The following MTUS2 variants were observed in gnomAD, a reference collection of about 807,000 sequenced individuals.
MTUS2 encodes the protein microtubule associated scaffold protein 2.
In MTUS2, 40 loss-of-function variants were observed where a neutral mutation model predicts 114.1. The ratio of observed to expected loss-of-function variants is 0.35; its 90% CI spans 0.27 to 0.46. The LOEUF (loss-of-function observed/expected upper bound fraction) is 0.46, where lower values mean the gene tolerates loss of function less well. Ranked by LOEUF, MTUS2 falls within the 20% of genes least tolerant of loss-of-function variation. The probability of loss-of-function intolerance (pLI) is 1.00; values close to 1 mark genes in which losing one functional copy is unlikely to be tolerated. For missense variants in MTUS2, 1,679 were observed against 1,705.4 expected, an observed-to-expected ratio of 0.98 and a Z score of 0.27; for synonymous variants, 688 against 672.0, an observed-to-expected ratio of 1.02 and a Z score of -0.37.
At chr13:29,189,905 G>T (rs898010027) in intron 5 of MTUS2, among the ~76,000 whole-genome samples, 2 of 152,194 alleles carry the variant, frequency 1.3e-5, no homozygotes, top group Non-Finnish European at 2.9e-5. Flanking sequence ...GGGCATTTGG[G>T]AAATAATTAG....
At chr13:29,180,191 G>C (rs1445430862) in intron 5 of MTUS2, among the ~76,000 whole-genome samples, 2 of 152,134 alleles carry the variant, frequency 1.3e-5, no homozygotes, top group African/African-American at 4.8e-5. Context: ...TTCCTTGAAG[G>C]CCAGCTTTTT....
At position 29,026,920 on chromosome 13, in the gene MTUS2, A is replaced by G. The variant is rs759431221; in HGVS notation, c.2205+17A>G. On this transcript the variant is annotated intron_variant, in intron 3 of 15. Coordinates refer to ENST00000612955, the MANE Select transcript of MTUS2 (RefSeq NM_001033602.4). ...TTGCAGGAGGTAAGAGAATGTCATT[A>G]TGATATGGTCTATAAGTTGACTGTC... The G allele has an allele frequency of 2.0e-5, 32 of 1,568,512 alleles. No homozygotes were observed. The Admixed American group carries it at 5.3e-4, about 26-fold the overall frequency.
chr13:29,296,196 T>A (rs907283463), intron 6 of MTUS2, among the ~76,000 whole-genome samples: 2 of 112,740 alleles, frequency 1.8e-5, no homozygotes, highest in Non-Finnish European at 3.6e-5. Context: ...TATTTTTAGG[T>A]TTTTGTTTGT....
At chr13:29,443,171 C>A (rs575860329) in intron 9 of MTUS2, among the ~76,000 whole-genome samples, 18 of 152,248 alleles carry the variant, frequency 1.2e-4, no homozygotes, top group African/African-American at 4.1e-4. Flanking sequence ...AAGATAATGC[C>A]GATGAAGCAG....
intron 2 of MTUS2, among the ~76,000 whole-genome samples, chr13:28,936,857 G>GA (rs1219375612): frequency 6.6e-6 from 1 of 152,154 alleles, no homozygotes; most frequent in Non-Finnish European, 1.5e-5. Flanking sequence ...GTGGGCAGGG[G>GA]AAGCCTGTCT....
intron 8 of MTUS2, among the ~76,000 whole-genome samples, chr13:29,436,942 A>G (rs950340130): frequency 6.6e-6 from 1 of 152,102 alleles, no homozygotes; most frequent in Non-Finnish European, 1.5e-5. Context: ...CACCAAAGTG[A>G]TACAAGTCTG....
At chr13:29,017,505 A>G (rs559465243) in intron 2 of MTUS2, among the ~76,000 whole-genome samples, 3 of 152,320 alleles carry the variant, frequency 2.0e-5, no homozygotes, top group South Asian at 4.1e-4. Context: ...CCTCCTTTTA[A>G]TAACTTAAAC....
In MTUS2 at chr13:29,199,305, A is replaced by G. The variant is rs375875068; in HGVS notation, c.2645-82399A>G. 2.6e-3 allele frequency among the ~76,000 whole-genome samples: 402 copies of G among 152,286 alleles called. 1 individual carries two copies. The highest frequency in any genetic ancestry group is 0.01 in the Middle Eastern group (3 of 294). ...AAATGCTTCCAGCTTTTGCCCATTC[A>G]GTGTGATATTGGTTGTGGGTTTATC... On this transcript the variant is annotated intron_variant, in intron 5 of 15. Transcript: ENST00000612955.
intron 6 of MTUS2, among the ~76,000 whole-genome samples, chr13:29,319,547 A>G (rs1900165059): frequency 6.6e-6 from 1 of 152,072 alleles, no homozygotes; most frequent in Admixed American, 6.6e-5. Context: ...CATCGTCCCA[A>G]CTCACATCTT....
At chr13:29,243,078 G>A (rs1328093147) in intron 5 of MTUS2, among the ~76,000 whole-genome samples, 2 of 152,160 alleles carry the variant, frequency 1.3e-5, no homozygotes, top group African/African-American at 2.4e-5. Context: ...ACTATGGGAC[G>A]CTTGAGGAGA....
intron 2 of MTUS2, among the ~76,000 whole-genome samples, chr13:28,900,822 T>A (rs1879604203): frequency 6.6e-6 from 1 of 152,182 alleles, no homozygotes; most frequent in South Asian, 2.1e-4. Flanking sequence ...GAATCTGGAG[T>A]GTGAGACTCA....
At chr13:29,314,893 A>G (rs1452066081) in intron 6 of MTUS2, among the ~76,000 whole-genome samples, 1 of 152,224 alleles carries the variant, frequency 6.6e-6, no homozygotes, top group Non-Finnish European at 1.5e-5. Flanking sequence ...TTGCAACACT[A>G]TTCACAATAG....
intron 8 of MTUS2, among the ~76,000 whole-genome samples, chr13:29,391,674 AT>A (rs1476650254): frequency 6.6e-6 from 1 of 151,758 alleles, no homozygotes; most frequent in Non-Finnish European, 1.5e-5. Flanking sequence ...TTGTGGCAAA[AT>A]ATAAATATAG....
intron 2 of MTUS2, among the ~76,000 whole-genome samples, chr13:28,887,450 G>A (rs1033173278): frequency 6.6e-6 from 1 of 152,208 alleles, no homozygotes; most frequent in Admixed American, 6.5e-5. Flanking sequence ...TGGGCACAGC[G>A]GGTGAGGCAG....
At chr13:28,853,346 G>A (rs1386749309) in intron 2 of MTUS2, among the ~76,000 whole-genome samples, 1 of 152,240 alleles carries the variant, frequency 6.6e-6, no homozygotes, top group Admixed American at 6.5e-5. Context: ...TGTTCCTACT[G>A]GTTACATATT....
chr13:29,114,557 G>T (rs1891009265), intron 5 of MTUS2, among the ~76,000 whole-genome samples: 1 of 152,210 alleles, frequency 6.6e-6, no homozygotes, highest in Non-Finnish European at 1.5e-5. Context: ...GGAAAAGTAG[G>T]AGGGGGAGAG....
chr13:29,300,163 G>T (rs1427725180), intron 6 of MTUS2, among the ~76,000 whole-genome samples: 1 of 152,152 alleles, frequency 6.6e-6, no homozygotes, highest in African/African-American at 2.4e-5. Context: ...GGTAATTTTA[G>T]ATAATATGGA....
intron 5 of MTUS2, among the ~76,000 whole-genome samples, chr13:29,167,034 A>G (rs1893344131): frequency 6.6e-6 from 1 of 152,204 alleles, no homozygotes; most frequent in African/African-American, 2.4e-5. Context: ...TTCTTAAGAT[A>G]TAATTCTTGA....
chr13:29,006,402 G>A (rs1054398635), intron 2 of MTUS2, among the ~76,000 whole-genome samples: 5 of 152,118 alleles, frequency 3.3e-5, no homozygotes, highest in African/African-American at 7.2e-5. Flanking sequence ...TATATACTCC[G>A]TTTATTTAGT....
Sources: allele counts gnomAD v4.1 joint callset (sites outside exome capture counted in the v4.1 genomes callset), GRCh38; gene constraint gnomAD v4.1.1; transcripts MANE v1.5; gene names NCBI Gene and HGNC (gene_info 2026-07-23, HGNC 2026-07-21).